PPP2R3A: variants seen among roughly 807,000 people sequenced by gnomAD.
The protein encoded by PPP2R3A is serine/threonine-protein phosphatase 2A regulatory subunit B'' subunit alpha.
In PPP2R3A, 80 loss-of-function variants were observed where a neutral mutation model predicts 106.9. The observed-to-expected ratio is 0.75, with a 90% CI of 0.62 to 0.90. PPP2R3A has a LOEUF of 0.90. PPP2R3A is among the 40% of genes least tolerant of loss of function. The probability of loss-of-function intolerance (pLI) is 0.00; values close to 1 mark genes in which losing one functional copy is unlikely to be tolerated. For missense variants in PPP2R3A, 1,386 were observed against 1,350.4 expected, an observed-to-expected ratio of 1.03 and a Z score of -0.41; for synonymous variants, 483 against 468.3, an observed-to-expected ratio of 1.03 and a Z score of -0.41.
rs1017585750 is a variant in PPP2R3A at position 136,003,186 on chromosome 3, C to T, written c.1688C>T (p.Pro563Leu). The T allele has an allele frequency of 2.5e-6, 4 of 1,613,612 alleles. No homozygotes were observed. Among genetic ancestry groups the T allele is most frequent in the Non-Finnish European group, 3.4e-6 (4 of 1,179,764 alleles). Residue 563 changes from proline to leucine, a missense_variant, in exon 2 of 14, where the codon CCC becomes CTC. Pro to Leu is a moderately conservative substitution (Grantham distance 98, BLOSUM62 -3). Coordinates refer to ENST00000264977, the MANE Select transcript of PPP2R3A (RefSeq NM_002718.5). ...DLEPKSKVSS[P>L]IEKVSPSCLT... ...GAGCCTAAATCTAAAGTCTCTTCAC[C>T]CATAGAAAAAGTCTCACCTTCCTGT...
rs1939120533 is a variant in PPP2R3A, at chr3:136,146,217, G to C, written c.*1051G>C. 1 of 152,208 alleles carries C rather than the reference G, an allele frequency of 6.6e-6. No individual in the cohort carries two copies. The highest frequency in any genetic ancestry group is 1.5e-5 in the Non-Finnish European group (1 of 68,044). The allele number at this position is 152,208 out of a possible 1,614,324, so 9.4% of individuals were successfully genotyped here. On this transcript the variant is annotated 3_prime_UTR_variant, in exon 14 of 14. Coordinates refer to ENST00000264977, the MANE Select transcript of PPP2R3A (RefSeq NM_002718.5). The stretch of plus-strand genomic sequence containing the variant: ...AAAGCTGTTATTTACTGTAGTTGTA[G>C]ATGTATTCACTACAGAATCCTACAT...
rs1478428561 is a variant in PPP2R3A, at chr3:136,146,880, AAT to A, written c.*1716_*1717del. 2 of 152,142 alleles carry A rather than the reference AAT, an allele frequency of 1.3e-5. No individual in the cohort carries two copies. Among genetic ancestry groups the A allele is most frequent in the Non-Finnish European group, 2.9e-5 (2 of 68,038 alleles). 9.4% of individuals were successfully genotyped at this position (152,142 alleles called of 1,614,324 possible). A position where few individuals can be genotyped will look rare whatever the true frequency, so the allele number is the denominator to read the frequency against. ...CAGATAGAAATACAAAAAAAAAAAA[AAT>A]ACTTTTCTTAGAAGCCAGATATGGT... On this transcript the variant is annotated 3_prime_UTR_variant, in exon 14 of 14. Transcript: ENST00000264977.
chr3:136,050,626 C>A (rs1935654073), intron 5 of PPP2R3A, among the ~76,000 whole-genome samples: 1 of 152,158 alleles, frequency 6.6e-6, no homozygotes, highest in Non-Finnish European at 1.5e-5. Flanking sequence ...CAGCTGTTTT[C>A]TTTTAAGGTT....
intron 8 of PPP2R3A, among the ~76,000 whole-genome samples, chr3:136,085,419 C>G (rs1322230853): frequency 1.3e-5 from 2 of 152,228 alleles, no homozygotes; most frequent in Non-Finnish European, 2.9e-5. Flanking sequence ...ATAAATTACC[C>G]AGTCTCAGGT....
intron 2 of PPP2R3A, among the ~76,000 whole-genome samples, chr3:136,017,676 G>A (rs187392421): frequency 7.1e-4 from 108 of 152,260 alleles, no homozygotes; most frequent in African/African-American, 2.5e-3. Flanking sequence ...CATCTTCTGA[G>A]CAAAATCCTT....
At chr3:136,050,114 A>C (rs561354368) in intron 5 of PPP2R3A, among the ~76,000 whole-genome samples, 26 of 152,198 alleles carry the variant, frequency 1.7e-4, no homozygotes, top group Non-Finnish European at 3.2e-4. Context: ...TTAGTAATTT[A>C]TTTTAGTAGC....
At chr3:136,099,792 T>C (rs1156485162) in intron 10 of PPP2R3A, among the ~76,000 whole-genome samples, 1 of 152,020 alleles carries the variant, frequency 6.6e-6, no homozygotes, top group Non-Finnish European at 1.5e-5. Flanking sequence ...TTGTTGTATA[T>C]CTGTTTTGTA....
chr3:135,998,695 CT>C (rs1199416875), intron 1 of PPP2R3A, among the ~76,000 whole-genome samples: 8 of 152,088 alleles, frequency 5.3e-5, no homozygotes, highest in African/African-American at 1.9e-4. Context: ...TTTATCACTG[CT>C]TATTTGAAAA....
rs572999165 is a variant in PPP2R3A at position 136,128,361 on chromosome 3, G to T, written c.3330-16682G>T. ...AAAGCAAAAAAAAAAAAAAGGAGGG[G>T]TTGCATCATAGTCTCTGATAAAACA... On this transcript the variant is annotated intron_variant, in intron 13 of 13. Transcript: ENST00000264977. Among the ~76,000 whole-genome samples, 5 of 151,224 alleles carry T rather than the reference G, an allele frequency of 3.3e-5. No homozygotes were observed. The East Asian group carries it at 9.7e-4, about 29-fold the overall frequency.
chr3:136,024,109 T>A lies in PPP2R3A; in HGVS notation c.1996-2723T>A, dbSNP rs1475241378. ...TTCTGAATGAATATCTAAATGATAC[T>A]GTGTTTATAGGGAAAGACAAATGGA... On this transcript the variant is annotated intron_variant, in intron 2 of 13. Transcript: ENST00000264977. 5.9e-5 allele frequency among the ~76,000 whole-genome samples: 9 copies of A among 152,262 alleles called. No homozygotes were observed. In the East Asian group the frequency reaches 1.5e-3, roughly 26 times the overall value.
chr3:136,137,543 T>TTTTTTTTTTTTG, intron 13 of PPP2R3A, among the ~76,000 whole-genome samples: 1 of 111,262 alleles, frequency 9.0e-6, no homozygotes, highest in Admixed American at 9.6e-5. Context: ...GATTTTTTTT[T>TTTTTTTTTTTTG]TTTTTTTTTT....
intron 5 of PPP2R3A, among the ~76,000 whole-genome samples, chr3:136,052,071 T>A (rs1388723421): frequency 6.6e-6 from 1 of 152,246 alleles, no homozygotes; most frequent in East Asian, 1.9e-4. Flanking sequence ...TTTTACCTGA[T>A]AATATCCAAC....
chr3:136,014,859 A>G (rs991740113), intron 2 of PPP2R3A, among the ~76,000 whole-genome samples: 3 of 152,088 alleles, frequency 2.0e-5, no homozygotes, highest in African/African-American at 4.8e-5. Context: ...TTCCAGTACT[A>G]TGTTGAATAG....
intron 1 of PPP2R3A, among the ~76,000 whole-genome samples, chr3:135,966,080 G>C (rs961842608): frequency 2.3e-4 from 35 of 152,148 alleles, no homozygotes; most frequent in African/African-American, 8.2e-4. Context: ...CGGCCGGCCG[G>C]TCCCGGGACA....
At chr3:136,057,182 G>A (rs183742901) in intron 5 of PPP2R3A, among the ~76,000 whole-genome samples, 24 of 152,034 alleles carry the variant, frequency 1.6e-4, no homozygotes, top group African/African-American at 5.1e-4. Context: ...CATATGATCC[G>A]GAAATATCCA....
At chr3:135,990,146 G>A (rs887794845) in intron 1 of PPP2R3A, among the ~76,000 whole-genome samples, 15 of 152,074 alleles carry the variant, frequency 9.9e-5, no homozygotes, top group African/African-American at 2.9e-4. Flanking sequence ...AGGCGGGTCC[G>A]GGCACCACCC....
intron 8 of PPP2R3A, among the ~76,000 whole-genome samples, chr3:136,084,255 C>T (rs1936864952): frequency 6.6e-6 from 1 of 152,370 alleles, no homozygotes; most frequent in Non-Finnish European, 1.5e-5. Context: ...CCAGCTGTTT[C>T]AGCTCCAGCC....
intron 2 of PPP2R3A, among the ~76,000 whole-genome samples, chr3:136,018,112 C>G (rs1317835129): frequency 6.6e-6 from 1 of 152,078 alleles, no homozygotes. Flanking sequence ...ACTAAAAATA[C>G]AAAAATTAGC....
intron 1 of PPP2R3A, among the ~76,000 whole-genome samples, chr3:135,968,823 A>C (rs1057266172): frequency 5.9e-5 from 9 of 152,230 alleles, no homozygotes; most frequent in African/African-American, 2.2e-4. Context: ...AAATGGTAGC[A>C]TACTGTACAC....
Sources: gnomAD v4.1 joint callset for allele counts (sites outside exome capture counted in the v4.1 genomes callset) on GRCh38, gnomAD v4.1.1 for gene constraint, MANE v1.5 for transcripts, NCBI Gene and HGNC (gene_info 2026-07-23, HGNC 2026-07-21) for gene names.